IDE: variants seen among roughly 807,000 people sequenced by gnomAD.
IDE encodes the protein insulin degrading enzyme.
IDE carries 58 observed loss-of-function variants against 133.2 expected under a neutral mutation model. The ratio of observed to expected loss-of-function variants is 0.44; its 90% CI spans 0.35 to 0.54. The LOEUF (loss-of-function observed/expected upper bound fraction) is 0.54, where lower values mean the gene tolerates loss of function less well. Among genes scored for constraint, IDE ranks in the 20% least tolerant of loss-of-function variants. IDE has a pLI of 0.00. For synonymous variants in IDE, 396 were observed against 421.3 expected (o/e 0.94, Z 0.73); for missense variants, 981 against 1,234.0 (o/e 0.79, Z 3.07).
intron 1 of IDE, among the ~76,000 whole-genome samples, chr10:92,544,050 T>C (rs906423886): frequency 2.0e-5 from 3 of 152,146 alleles, no homozygotes; most frequent in South Asian, 2.1e-4. Context: ...CTGGCCAACA[T>C]GGTGAAACCC....
intron 22 of IDE, among the ~76,000 whole-genome samples, chr10:92,456,971 C>CT (rs899419247): frequency 6.2e-5 from 9 of 146,164 alleles, no homozygotes; most frequent in Admixed American, 1.4e-4. Context: ...AAGAATTATT[C>CT]TTTTTTTTTC....
chr10:92,455,519 T>A, intron 24 of IDE, 57 bp downstream of exon 24: 4 of 1,075,912 alleles, frequency 3.7e-6, no homozygotes, highest in Non-Finnish European at 5.6e-6. Context: ...CCAAGCTGCT[T>A]CTTCTAAATA....
At chr10:92,505,732 C>T (rs1369689719) in intron 10 of IDE, among the ~76,000 whole-genome samples, 1 of 152,084 alleles carries the variant, frequency 6.6e-6, no homozygotes, top group Non-Finnish European at 1.5e-5. Flanking sequence ...AAGAACCTAG[C>T]CAGGCAAAGA....
intron 11 of IDE, among the ~76,000 whole-genome samples, chr10:92,503,400 T>G (rs11187035): frequency 0.2 from 29,993 of 152,110 alleles, 3,335 homozygotes; most frequent in Admixed American, 0.28. Flanking sequence ...AAACTCCTAG[T>G]CTCAAGTGAT....
Position 92,526,721 on chromosome 10 carries a change from G to A in IDE, c.661+5027C>T, listed in dbSNP as rs186933578. ...ATTAGCTGAGTGTGGTAGTGTGTGCGTGTAGTCTCAGCTACTTGGGAGGCT... is the reference window on the plus strand; with the variant it reads ...ATTAGCTGAGTGTGGTAGTGTGTGCATGTAGTCTCAGCTACTTGGGAGGCT... On this transcript the variant is annotated intron_variant, in intron 4 of 24. Coordinates refer to ENST00000265986, the MANE Select transcript of IDE (RefSeq NM_004969.4). 1.7e-4 allele frequency among the ~76,000 whole-genome samples: 26 copies of A among 151,788 alleles called. No individual in the cohort carries two copies. In the East Asian group the frequency reaches 3.7e-3, roughly 22 times the overall value.
At chr10:92,506,790 T>C (rs1454435184) in intron 9 of IDE, among the ~76,000 whole-genome samples, 2 of 152,252 alleles carry the variant, frequency 1.3e-5, no homozygotes, top group East Asian at 3.9e-4. Flanking sequence ...AAATACAGGA[T>C]ATGGCTCGAT....
chr10:92,469,589 T>C (rs932611395), intron 18 of IDE, among the ~76,000 whole-genome samples: 2 of 152,094 alleles, frequency 1.3e-5, no homozygotes, highest in African/African-American at 4.8e-5. Context: ...CTACCACACC[T>C]GGCTGTTTTT....
intron 11 of IDE, among the ~76,000 whole-genome samples, chr10:92,503,583 T>C (rs1564629516): frequency 6.6e-6 from 1 of 152,186 alleles, no homozygotes; most frequent in Non-Finnish European, 1.5e-5. Context: ...ACATTAATTA[T>C]TGTTCTCAAC....
intron 9 of IDE, among the ~76,000 whole-genome samples, chr10:92,507,207 C>T (rs1564632253): frequency 6.6e-6 from 1 of 152,088 alleles, no homozygotes; most frequent in Non-Finnish European, 1.5e-5. Flanking sequence ...TGAGAGTTTG[C>T]TACAGATTTA....
At chr10:92,465,943 C>T (rs1845659577) in intron 19 of IDE, 100 bp from the exon 20 acceptor site, 3 of 999,078 alleles carry the variant, frequency 3.0e-6, no homozygotes, top group South Asian at 1.4e-5. Context: ...ATAATTTAGA[C>T]ATTAATAGAA....
intron 1 of IDE, among the ~76,000 whole-genome samples, chr10:92,552,424 T>G (rs1842826687): frequency 6.6e-6 from 1 of 152,196 alleles, no homozygotes; most frequent in South Asian, 2.1e-4. Context: ...AACTTATATT[T>G]TTATTATATA....
At chr10:92,504,686 G>T in intron 11 of IDE, 108 bp downstream of exon 11, 1 of 663,568 alleles carries the variant, frequency 1.5e-6, no homozygotes, top group Non-Finnish European at 2.7e-6. Flanking sequence ...CTTTTGTAAT[G>T]CTTGATAAAA....
intron 1 of IDE, among the ~76,000 whole-genome samples, chr10:92,551,320 A>G (rs1400338434): frequency 6.6e-6 from 1 of 152,230 alleles, no homozygotes; most frequent in African/African-American, 2.4e-5. Flanking sequence ...CTGCAATCCC[A>G]GCACTTTGGG....
intron 13 of IDE, among the ~76,000 whole-genome samples, chr10:92,483,560 C>CTT (rs1846749055): frequency 2.0e-5 from 3 of 152,116 alleles, no homozygotes; most frequent in African/African-American, 7.2e-5. Flanking sequence ...TTCTATTTCC[C>CTT]CTGTATTAGG....
chr10:92,503,385 G>C (rs958881238), intron 11 of IDE, among the ~76,000 whole-genome samples: 1 of 152,150 alleles, frequency 6.6e-6, no homozygotes, highest in Non-Finnish European at 1.5e-5. Context: ...GCTCAGGCTG[G>C]TCTTAAACTC....
chr10:92,553,604 C>A (rs1462629043), intron 1 of IDE, among the ~76,000 whole-genome samples: 1 of 150,940 alleles, frequency 6.6e-6, no homozygotes, highest in Non-Finnish European at 1.5e-5. Context: ...TTTAGCCAGA[C>A]TAAGAAAAAA....
intron 12 of IDE, 131 bp downstream of exon 12, chr10:92,490,362 C>G: frequency 1.5e-6 from 1 of 682,602 alleles, no homozygotes; most frequent in South Asian, 1.8e-5. Flanking sequence ...TTGTTGATTT[C>G]TCTTAGGATG....
intron 1 of IDE, among the ~76,000 whole-genome samples, chr10:92,540,372 TTAAAC>T (rs1256487411): frequency 6.6e-6 from 1 of 152,146 alleles, no homozygotes; most frequent in Admixed American, 6.5e-5. Flanking sequence ...TCAATATAAA[TTAAAC>T]TATTTTTAAA....
chr10:92,524,366 TA>T lies in IDE; in HGVS notation c.661+7381del, dbSNP rs1214776835. Among the ~76,000 whole-genome samples, 16 of 34,148 alleles carry T rather than the reference TA, an allele frequency of 4.7e-4. 2 individuals are homozygous for T. The highest frequency in any genetic ancestry group is 3.5e-3 in the East Asian group (2 of 564). 22.4% of individuals were successfully genotyped at this position (34,148 alleles called of 152,430 possible). A position where few individuals can be genotyped will look rare whatever the true frequency, so the allele number is the denominator to read the frequency against. Reference sequence around the variant, plus strand: ...ATTATATATAATATATTTTATATTATAATATATATTATATATAATATATTTT... The same window carrying T: ...ATTATATATAATATATTTTATATTATATATATATTATATATAATATATTTT... On this transcript the variant is annotated intron_variant, in intron 4 of 24. Transcript: ENST00000265986.
Sources: allele counts gnomAD v4.1 joint callset (sites outside exome capture counted in the v4.1 genomes callset), GRCh38; gene constraint gnomAD v4.1.1; transcripts MANE v1.5; gene names NCBI Gene and HGNC (gene_info 2026-07-23, HGNC 2026-07-21).